Variants in PRKN observed in about 807,000 individuals in gnomAD.
The protein encoded by PRKN is parkin RBR E3 ubiquitin protein ligase, also known as E3 ubiquitin-protein ligase parkin.
A neutral mutation model predicts 59.5 loss-of-function variants in PRKN; 56 were observed. That is an observed-to-expected ratio of 0.94 (90% CI 0.76 to 1.18). The LOEUF (loss-of-function observed/expected upper bound fraction) is 1.18, where lower values mean the gene tolerates loss of function less well. Among genes scored for constraint, PRKN ranks in the 50% most tolerant of loss-of-function variants. PRKN has a pLI of 0.00. For synonymous variants in PRKN, 250 were observed against 222.1 expected (o/e 1.13, Z -1.12); for missense variants, 657 against 596.4 (o/e 1.10, Z -1.06).
intron 2 of PRKN, among the ~76,000 whole-genome samples, chr6:162,289,082 G>C (rs1049024956): frequency 6.6e-6 from 1 of 152,140 alleles, no homozygotes; most frequent in South Asian, 2.1e-4. Flanking sequence ...CAAACTAGGG[G>C]TTTAAACAAC....
At chr6:161,776,757 AAGC>A (rs1438390203) in intron 7 of PRKN, among the ~76,000 whole-genome samples, 1 of 152,192 alleles carries the variant, frequency 6.6e-6, no homozygotes, top group Non-Finnish European at 1.5e-5. Context: ...GGCAGCAGAG[AAGC>A]AGGAGTACGG....
intron 7 of PRKN, among the ~76,000 whole-genome samples, chr6:161,673,826 G>A (rs1199124565): frequency 1.3e-5 from 2 of 152,162 alleles, no homozygotes; most frequent in East Asian, 1.9e-4. Context: ...GAGCAAGAGA[G>A]GAGTCAAGAT....
chr6:162,096,806 T>A (rs1583026327), intron 4 of PRKN, among the ~76,000 whole-genome samples: 1 of 150,606 alleles, frequency 6.6e-6, no homozygotes, highest in Non-Finnish European at 1.5e-5. Flanking sequence ...CAGTCTTGGG[T>A]ATGTCTTTAT....
At chr6:161,845,891 C>T (rs1184507856) in intron 6 of PRKN, among the ~76,000 whole-genome samples, 2 of 152,202 alleles carry the variant, frequency 1.3e-5, no homozygotes, top group Admixed American at 1.3e-4. Context: ...ACCTGTCAAT[C>T]CGACACGAAG....
At chr6:162,532,028 A>C (rs1013054211) in intron 1 of PRKN, among the ~76,000 whole-genome samples, 4 of 152,060 alleles carry the variant, frequency 2.6e-5, no homozygotes, top group African/African-American at 9.7e-5. Flanking sequence ...TTACAACAGC[A>C]CCTAAGGCAA....
At chr6:161,988,659 T>C (rs1781529424) in intron 5 of PRKN, among the ~76,000 whole-genome samples, 1 of 152,002 alleles carries the variant, frequency 6.6e-6, no homozygotes, top group Non-Finnish European at 1.5e-5. Flanking sequence ...GAAAACCTAT[T>C]AATAAAATGG....
chr6:161,700,814 G>A (rs1341923905), intron 7 of PRKN, among the ~76,000 whole-genome samples: 2 of 152,090 alleles, frequency 1.3e-5, no homozygotes, highest in African/African-American at 4.8e-5. Context: ...CTCAAACCTG[G>A]TCTTATTACA....
At chr6:162,679,525 G>A (rs1168220052) in intron 1 of PRKN, among the ~76,000 whole-genome samples, 1 of 152,130 alleles carries the variant, frequency 6.6e-6, no homozygotes, top group Non-Finnish European at 1.5e-5. Context: ...AGGTCATGAA[G>A]ATTGTCATTT....
intron 7 of PRKN, among the ~76,000 whole-genome samples, chr6:161,569,638 C>T (rs1420661523): frequency 1.3e-5 from 2 of 152,216 alleles, no homozygotes; most frequent in South Asian, 2.1e-4. Flanking sequence ...AAAACAGTTG[C>T]ATGTGACCCT....
rs1784266091 is a variant in PRKN at position 162,191,246 on chromosome 6, A to T, written c.534+9885T>A. Among the ~76,000 whole-genome samples the T allele has an allele frequency of 2.0e-5, 3 of 152,078 alleles. 1 individual carries two copies. In the South Asian group the frequency reaches 6.2e-4, roughly 32 times the overall value. On this transcript the variant is annotated intron_variant, in intron 4 of 11. Coordinates refer to ENST00000366898, the MANE Select transcript of PRKN (RefSeq NM_004562.3). The stretch of plus-strand genomic sequence containing the variant: ...GAATCCGATTTTTTTTGGAGATGGA[A>T]TGGGCCCAGACTAGGGGATAAAATA...
At chr6:161,766,689 C>T (rs1583131036) in intron 7 of PRKN, among the ~76,000 whole-genome samples, 1 of 152,206 alleles carries the variant, frequency 6.6e-6, no homozygotes, top group East Asian at 1.9e-4. Flanking sequence ...TCTTGCAGAG[C>T]CATTAGGAGG....
intron 1 of PRKN, among the ~76,000 whole-genome samples, chr6:162,715,285 T>C (rs767684842): frequency 6.6e-6 from 1 of 152,218 alleles, no homozygotes; most frequent in Non-Finnish European, 1.5e-5. Context: ...TTCTCTCCTT[T>C]GAATCACACT....
intron 1 of PRKN, among the ~76,000 whole-genome samples, chr6:162,495,642 C>G (rs1793031961): frequency 6.6e-6 from 1 of 152,206 alleles, no homozygotes; most frequent in Non-Finnish European, 1.5e-5. Flanking sequence ...GTCCTCAGAG[C>G]CATGAGCCCT....
chr6:161,929,517 C>CTTTTTTTTTTTTT (rs759945931), intron 6 of PRKN, among the ~76,000 whole-genome samples: 2 of 72,270 alleles, frequency 2.8e-5, no homozygotes, highest in African/African-American at 1.1e-4. Context: ...AATTTCACCT[C>CTTTTTTTTTTTTT]TTTTTTTTTT....
intron 5 of PRKN, among the ~76,000 whole-genome samples, chr6:162,013,823 A>G (rs1195957550): frequency 6.6e-6 from 1 of 152,194 alleles, no homozygotes; most frequent in African/African-American, 2.4e-5. Context: ...TTATGCTAAA[A>G]GTATGTAGTA....
chr6:161,575,738 A>G lies in PRKN; in HGVS notation c.872-6322T>C, dbSNP rs958737320. ...ATGACACAAATAATCTGCAATTTGC[A>G]GATTGCTGCTGTTTGGTGCGAAACG... On this transcript the variant is annotated intron_variant, in intron 7 of 11. Coordinates refer to ENST00000366898, the MANE Select transcript of PRKN (RefSeq NM_004562.3). This position sits in a 1 kb window ranked among gnomAD's most constrained non-coding sequence, Gnocchi z 4.6. Among the ~76,000 whole-genome samples the G allele has an allele frequency of 2.6e-4, 40 of 152,338 alleles. No individual in the cohort carries two copies. The highest frequency in any genetic ancestry group is 9.6e-4 in the African/African-American group (40 of 41,574).
At chr6:162,543,409 TTCC>T (rs1355699791) in intron 1 of PRKN, among the ~76,000 whole-genome samples, 1 of 151,918 alleles carries the variant, frequency 6.6e-6, no homozygotes, top group Non-Finnish European at 1.5e-5. Context: ...GCTCACATCT[TTCC>T]TCCTCCCTTT....
intron 3 of PRKN, among the ~76,000 whole-genome samples, chr6:162,258,251 A>G (rs1779737898): frequency 6.6e-6 from 1 of 152,210 alleles, no homozygotes; most frequent in Non-Finnish European, 1.5e-5. Flanking sequence ...CCGTTGAGGT[A>G]GGCATCTTGT....
intron 4 of PRKN, among the ~76,000 whole-genome samples, chr6:162,100,036 T>G (rs544550268): frequency 1.3e-5 from 2 of 152,378 alleles, no homozygotes; most frequent in East Asian, 3.9e-4. Flanking sequence ...TTTGTTTTTC[T>G]GTGCCTGGCT....
Sources: gnomAD v4.1 joint callset for allele counts (sites outside exome capture counted in the v4.1 genomes callset) on GRCh38, gnomAD v4.1.1 for gene constraint, Gnocchi (gnomAD v3.1) non-coding constraint, MANE v1.5 for transcripts, NCBI Gene and HGNC (gene_info 2026-07-23, HGNC 2026-07-21) for gene names.